Variants in MACROD2 observed in about 807,000 individuals in gnomAD.
MACROD2 encodes the protein ADP-ribose glycohydrolase MACROD2.
A neutral mutation model predicts 70.4 loss-of-function variants in MACROD2; 36 were observed. That is an observed-to-expected ratio of 0.51 (90% confidence interval 0.39 to 0.68). The LOEUF is 0.68. MACROD2 is among the 30% of genes least tolerant of loss of function. MACROD2 has a pLI of 0.00. For synonymous variants in MACROD2, 172 were observed against 178.8 expected (o/e 0.96, Z 0.30); for missense variants, 496 against 538.4 (o/e 0.92, Z 0.78).
At chr20:14,984,232 A>G (rs1286750278) in intron 5 of MACROD2, among the ~76,000 whole-genome samples, 2 of 152,208 alleles carry the variant, frequency 1.3e-5, no homozygotes, top group Admixed American at 1.3e-4. Context: ...TATTGGTTAT[A>G]ATTCTGGAGT....
chr20:14,400,076 A>G (rs1056707666), intron 3 of MACROD2, among the ~76,000 whole-genome samples: 1 of 151,502 alleles, frequency 6.6e-6, no homozygotes, highest in African/African-American at 2.4e-5. Context: ...TGTAGGTTGT[A>G]TTTTTTTCTT....
At chr20:14,220,521 G>A (rs958496615) in intron 3 of MACROD2, among the ~76,000 whole-genome samples, 3 of 152,106 alleles carry the variant, frequency 2.0e-5, no homozygotes, top group Non-Finnish European at 4.4e-5. Context: ...CACTGAATTT[G>A]CACCCTCCTT....
intron 3 of MACROD2, among the ~76,000 whole-genome samples, chr20:14,433,877 T>G (rs1037925317): frequency 2.0e-5 from 3 of 152,178 alleles, no homozygotes; most frequent in Non-Finnish European, 4.4e-5. Flanking sequence ...GATTTTTCTC[T>G]TCTCAATGAA....
intron 5 of MACROD2, among the ~76,000 whole-genome samples, chr20:15,196,057 GAC>G (rs1326115247): frequency 6.6e-6 from 1 of 152,050 alleles, no homozygotes; most frequent in East Asian, 1.9e-4. Context: ...ACGGGGGAAC[GAC>G]ACACACTGGG....
intron 8 of MACROD2, among the ~76,000 whole-genome samples, chr20:15,701,892 A>G (rs1422413668): frequency 6.6e-6 from 1 of 152,186 alleles, no homozygotes; most frequent in East Asian, 1.9e-4. Context: ...TTTAGCTCCC[A>G]CTTATAACTG....
chr20:14,209,301 T>C (rs996511182), intron 3 of MACROD2, among the ~76,000 whole-genome samples: 5 of 152,184 alleles, frequency 3.3e-5, no homozygotes, highest in Non-Finnish European at 7.3e-5. Flanking sequence ...TATTTTAGTA[T>C]TGAAGTTTAG....
intron 13 of MACROD2, among the ~76,000 whole-genome samples, chr20:15,984,427 A>T (rs1178514898): frequency 6.6e-6 from 1 of 152,004 alleles, no homozygotes; most frequent in Non-Finnish European, 1.5e-5. Flanking sequence ...CTTTAATGGT[A>T]CTCAGGAGGC....
chr20:14,988,151 G>A (rs1041523440), intron 5 of MACROD2, among the ~76,000 whole-genome samples: 2 of 151,986 alleles, frequency 1.3e-5, no homozygotes, highest in African/African-American at 4.8e-5. Context: ...ATCACCTGAG[G>A]TCAGGAGTTC....
intron 8 of MACROD2, among the ~76,000 whole-genome samples, chr20:15,570,687 A>T (rs1052785059): frequency 1.2e-4 from 19 of 152,174 alleles, no homozygotes; most frequent in African/African-American, 4.6e-4. Flanking sequence ...AGCTTTAGAA[A>T]TTCTCAGGTT....
At chr20:14,466,080 T>C (rs2123032100) in intron 3 of MACROD2, among the ~76,000 whole-genome samples, 1 of 152,248 alleles carries the variant, frequency 6.6e-6, no homozygotes, top group South Asian at 2.1e-4. Flanking sequence ...AATGTTGGCC[T>C]GCCTTGCTAG....
chr20:14,377,832 C>A (rs558420068), intron 3 of MACROD2, among the ~76,000 whole-genome samples: 1 of 152,238 alleles, frequency 6.6e-6, no homozygotes, highest in African/African-American at 2.4e-5. Flanking sequence ...ATATAAAGTA[C>A]CATGTCAAAT....
chr20:15,242,573 G>A (rs958357371), intron 6 of MACROD2, among the ~76,000 whole-genome samples: 2 of 152,116 alleles, frequency 1.3e-5, no homozygotes, highest in Admixed American at 6.5e-5. Context: ...TATTTTTTGA[G>A]AGAGTTTGTG....
In MACROD2 at chr20:14,099,150, C is replaced by T. The variant is rs373380822; in HGVS notation, c.271+13422C>T. Among the ~76,000 whole-genome samples, 236 of 152,088 alleles carry T rather than the reference C, an allele frequency of 1.6e-3. 2 individuals carry two copies. Among genetic ancestry groups the T allele is most frequent in the African/African-American group, 5.3e-3 (221 of 41,490 alleles). ...AAAATTAGCCGGGCGTGGTGGCATG[C>T]GCCTGTAATCCCAGCTACTCAGGAG... On this transcript the variant is annotated intron_variant, in intron 3 of 17. Transcript: ENST00000684519.
chr20:15,831,227 A>G (rs1168456724), intron 8 of MACROD2, among the ~76,000 whole-genome samples: 2 of 152,178 alleles, frequency 1.3e-5, no homozygotes, highest in Non-Finnish European at 2.9e-5. Flanking sequence ...TTGCAAAAAG[A>G]GTTCATGAGG....
At chr20:15,773,657 G>A (rs2051673764) in intron 8 of MACROD2, among the ~76,000 whole-genome samples, 1 of 152,074 alleles carries the variant, frequency 6.6e-6, no homozygotes, top group Non-Finnish European at 1.5e-5. Flanking sequence ...GATAACCTAA[G>A]CATTATAAAC....
chr20:15,487,341 C>G (rs930218076), intron 7 of MACROD2, among the ~76,000 whole-genome samples: 1 of 152,188 alleles, frequency 6.6e-6, no homozygotes, highest in African/African-American at 2.4e-5. Context: ...TGACTCAACA[C>G]TGGAATTTTA....
intron 5 of MACROD2, among the ~76,000 whole-genome samples, chr20:14,689,064 T>C (rs996158554): frequency 5.9e-5 from 9 of 152,180 alleles, no homozygotes; most frequent in African/African-American, 2.2e-4. Flanking sequence ...CCTTCTGTGC[T>C]TCCCCCACTC....
chr20:15,390,302 C>G (rs2045775299), intron 6 of MACROD2, among the ~76,000 whole-genome samples: 1 of 152,136 alleles, frequency 6.6e-6, no homozygotes, highest in Non-Finnish European at 1.5e-5. Context: ...TTCTCCAAAC[C>G]CCCTATGAAA....
chr20:14,261,438 T>C (rs1157077008), intron 3 of MACROD2, among the ~76,000 whole-genome samples: 1 of 152,224 alleles, frequency 6.6e-6, no homozygotes, highest in Non-Finnish European at 1.5e-5. Context: ...AAAATATACT[T>C]TATATCATCT....
Sources: gnomAD v4.1 joint callset for allele counts (sites outside exome capture counted in the v4.1 genomes callset) on GRCh38, gnomAD v4.1.1 for gene constraint, MANE v1.5 for transcripts, NCBI Gene and HGNC (gene_info 2026-07-23, HGNC 2026-07-21) for gene names.